SPEG: variants seen among roughly 807,000 people sequenced by gnomAD.
SPEG encodes striated muscle preferentially expressed protein kinase.
Under a neutral mutation model 300.4 loss-of-function variants are expected in SPEG, and 114 were observed. The observed-to-expected ratio is 0.38, with a 90% CI of 0.33 to 0.44. The LOEUF (loss-of-function observed/expected upper bound fraction) is 0.44. SPEG is among the 20% of genes least tolerant of loss of function. The pLI, the probability that SPEG is intolerant of heterozygous loss-of-function variation, is 1.00. For missense variants in SPEG, 4,201 were observed against 4,586.2 expected (o/e 0.92, Z 2.43); for synonymous variants, 1,964 against 2,018.9 (o/e 0.97, Z 0.73).
In SPEG at chr2:219,473,445, G is replaced by A; in HGVS notation, c.4148-59G>A. 1 of 1,528,188 alleles carries A rather than the reference G, an allele frequency of 6.5e-7. No individual in the cohort carries two copies. The highest frequency in any genetic ancestry group is 1.1e-5 in the South Asian group (1 of 88,548). The allele number at this position is 1,528,188 out of a possible 1,614,324, so 94.7% of individuals were successfully genotyped here. ...GTTGATGAGGGGTGTTAGAGGAGTGGTGGGTGCTGAGGACCTGATGTCAAG... is the reference window on the plus strand; with the variant it reads ...GTTGATGAGGGGTGTTAGAGGAGTGATGGGTGCTGAGGACCTGATGTCAAG... On this transcript the variant is annotated intron_variant, in intron 16 of 40. Transcript: ENST00000312358. The surrounding 1 kb of genome is among the most constrained non-coding windows in gnomAD (Gnocchi z 4.6).
At chr2:219,489,014 C>T (rs1212352199) in intron 34 of SPEG, 40 bp from the exon 35 acceptor site, 18 of 1,609,402 alleles carry the variant, frequency 1.1e-5, no homozygotes, top group African/African-American at 6.7e-5. Flanking sequence ...CTGGGGCCAC[C>T]GCTTCTGTGA....
chr2:219,488,783 C>T lies in SPEG; in HGVS notation c.8032C>T (p.Pro2678Ser). ...ACTCTTCTTTCTCTTGCCAGGAGTC[C>T]CAGGAAAGCTAGCTCCTCCAGAGGT... The part of the protein sequence containing the change: ...SSCTVAVARV[P>S]GKLAPPEVPQ... Residue 2678 changes from proline (P) to serine (S), a missense_variant, in exon 34 of 41, where the codon CCA becomes TCA. Transcript: ENST00000312358. The T allele has an allele frequency of 1.2e-6, 2 of 1,605,752 alleles. No individual in the cohort carries two copies. The highest frequency in any genetic ancestry group is 1.7e-6 in the Non-Finnish European group (2 of 1,175,590).
chr2:219,490,601 TGC>T lies in SPEG; in HGVS notation c.9115_9116del (p.Ala3039Ter), dbSNP rs764332376. 1 of 1,613,192 alleles carries T rather than the reference TGC, an allele frequency of 6.2e-7. No homozygotes were observed. Among genetic ancestry groups the T allele is most frequent in the Non-Finnish European group, 8.5e-7 (1 of 1,179,188 alleles). On this transcript the variant is annotated frameshift_variant, in exon 37 of 41. Coordinates refer to ENST00000312358, the MANE Select transcript of SPEG (RefSeq NM_005876.5). LOFTEE classifies it high-confidence loss of function. ...YITPRYLVLI[A>X]ESCGNRELLC... ...TCACCCCTCGGTACCTCGTGCTCAT[TGC>T]TGAGAGCTGTGGCAACCGGGAACTC...
chr2:219,491,293 C>G (rs1693949362), intron 38 of SPEG, among the ~76,000 whole-genome samples: 1 of 152,166 alleles, frequency 6.6e-6, no homozygotes, highest in South Asian at 2.1e-4. Context: ...CATCGAGCAC[C>G]CTGCTAAATG....
chr2:219,490,687 G>A, intron 37 of SPEG, 39 bp downstream of exon 37: 1 of 1,610,390 alleles, frequency 6.2e-7, no homozygotes, highest in South Asian at 1.1e-5. Flanking sequence ...GGAAGAGGTA[G>A]GGGAGGCTGG....
chr2:219,469,105 TG>T (rs1386950318), intron 12 of SPEG, 50 bp from the exon 13 acceptor site: 2 of 1,609,218 alleles, frequency 1.2e-6, no homozygotes, highest in Admixed American at 1.7e-5. Flanking sequence ...AGCCCAGCCC[TG>T]GGGTGGGAGG....
Position 219,478,071 on chromosome 2 carries a change from G to A in SPEG, c.4993G>A (p.Glu1665Lys). ...TGTCCTCTACTTCCATGAGGCCTTC[G>A]AGAGGCGCCGGGGACTGGTCATTGT... ...DCVLYFHEAF[E>K]RRRGLVIVTE... Residue 1665 changes from glutamate to lysine, a missense_variant, in exon 22 of 41, where the codon GAG becomes AAG. Coordinates refer to ENST00000312358, the MANE Select transcript of SPEG (RefSeq NM_005876.5). 1.2e-6 allele frequency: 2 copies of A among 1,614,198 alleles called. No homozygotes were observed. Among genetic ancestry groups the A allele is most frequent in the Non-Finnish European group, 1.7e-6 (2 of 1,180,022 alleles).
intron 3 of SPEG, among the ~76,000 whole-genome samples, chr2:219,446,057 T>G (rs1575048472): frequency 7.7e-6 from 1 of 129,662 alleles, no homozygotes; most frequent in Non-Finnish European, 1.6e-5. Flanking sequence ...TGGGTATGGG[T>G]GTGGGGGCAG....
At position 219,478,074 on chromosome 2, in the gene SPEG, A is replaced by T; in HGVS notation, c.4996A>T (p.Arg1666Trp). The change falls in exon 22 of 41, where the codon AGG becomes TGG. Residue 1666 changes from arginine (R) to tryptophan (W), a missense_variant. Coordinates refer to ENST00000312358, the MANE Select transcript of SPEG (RefSeq NM_005876.5). ...CVLYFHEAFERRRGLVIVTEL... is the reference protein window; with the variant it reads ...CVLYFHEAFEWRRGLVIVTEL... ...CCTCTACTTCCATGAGGCCTTCGAG[A>T]GGCGCCGGGGACTGGTCATTGTCAC... The T allele has an allele frequency of 1.2e-6, 2 of 1,614,092 alleles. No individual in the cohort carries two copies. Among genetic ancestry groups the T allele is most frequent in the Non-Finnish European group, 1.7e-6 (2 of 1,179,996 alleles).
intron 6 of SPEG, among the ~76,000 whole-genome samples, chr2:219,457,278 A>G (rs957853176): frequency 6.6e-6 from 1 of 152,146 alleles, no homozygotes; most frequent in Admixed American, 6.5e-5. Context: ...CTCAAGAATC[A>G]TAAGGAGGAA....
intron 8 of SPEG, among the ~76,000 whole-genome samples, chr2:219,463,509 G>C (rs901074446): frequency 7.1e-6 from 1 of 140,716 alleles, no homozygotes; most frequent in Non-Finnish European, 1.5e-5. Context: ...CGCCTCCTGG[G>C]TTCAAGGGAT....
chr2:219,486,753 G>A (rs1257633826), intron 31 of SPEG, among the ~76,000 whole-genome samples: 6 of 152,212 alleles, frequency 3.9e-5, no homozygotes, highest in Non-Finnish European at 5.9e-5. Flanking sequence ...TGGGGCTGGC[G>A]GGGCTGGCAG....
Position 219,481,544 on chromosome 2 carries a change from CA to C in SPEG, c.5522+90del. Reference sequence around the variant, plus strand: ...TCCCAAACTCCTGCCCCTCGACATGCAAGCCCCCAACTCCTTAGGAGCCCTG... The same window carrying C: ...TCCCAAACTCCTGCCCCTCGACATGCAGCCCCCAACTCCTTAGGAGCCCTG... On this transcript the variant is annotated intron_variant, in intron 27 of 40. Coordinates refer to ENST00000312358, the MANE Select transcript of SPEG (RefSeq NM_005876.5). This position sits in a 1 kb window ranked among gnomAD's most constrained non-coding sequence, Gnocchi z 5.4. 1 of 1,603,522 alleles carries C rather than the reference CA, an allele frequency of 6.2e-7. No individual in the cohort carries two copies. Among genetic ancestry groups the C allele is most frequent in the East Asian group, 2.2e-5 (1 of 44,742 alleles).
chr2:219,485,930 T>C (rs1422137590), intron 31 of SPEG, among the ~76,000 whole-genome samples: 2 of 151,974 alleles, frequency 1.3e-5, no homozygotes, highest in African/African-American at 4.8e-5. Flanking sequence ...GGCTGTACTT[T>C]TCAAGGAGCT....
At chr2:219,489,254 G>A (rs758955325) in intron 35 of SPEG, 33 bp downstream of exon 35, 3 of 1,613,232 alleles carry the variant, frequency 1.9e-6, no homozygotes, top group Non-Finnish European at 2.5e-6. Flanking sequence ...GGAGGAGGAA[G>A]GGGGCTCTGA....
In SPEG at chr2:219,456,051, G is replaced by A. The variant is rs114367502; in HGVS notation, c.2440+4244G>A. On this transcript the variant is annotated intron_variant, in intron 6 of 40. Transcript: ENST00000312358. ...ATGGTTTTCTTGGCTGTAAAGTGAGGATCTTCACACCAGCCAGGCCACCTA... is the reference window on the plus strand; with the variant it reads ...ATGGTTTTCTTGGCTGTAAAGTGAGAATCTTCACACCAGCCAGGCCACCTA... Among the ~76,000 whole-genome samples the A allele has an allele frequency of 9.9e-3, 1,511 of 152,348 alleles. 29 individuals carry two copies. Among genetic ancestry groups the A allele is most frequent in the African/African-American group, 0.034 (1,401 of 41,568 alleles).
chr2:219,473,670 C>A lies in SPEG; in HGVS notation c.4271+43C>A. 2.5e-6 allele frequency: 4 copies of A among 1,613,768 alleles called. No individual in the cohort carries two copies. The highest frequency in any genetic ancestry group is 3.4e-6 in the Non-Finnish European group (4 of 1,179,774). ...ATGTGGCAGCCCAGGTCTGGCCCAG[C>A]CTGGCCGGAATGCCCTGGGGCAAGA... On this transcript the variant is annotated intron_variant, in intron 17 of 40. Coordinates refer to ENST00000312358, the MANE Select transcript of SPEG (RefSeq NM_005876.5). The surrounding 1 kb of genome is among the most constrained non-coding windows in gnomAD (Gnocchi z 4.6).
chr2:219,442,177 G>A lies in SPEG; in HGVS notation c.389-2476G>A, dbSNP rs1688970295. On this transcript the variant is annotated intron_variant, in intron 1 of 40. Transcript: ENST00000312358. ...GGTCACCGCAGCTGGGCCCGGTGGA[G>A]GGGGCGCTGGATCGGCGCCTGCCCC... 2.1e-5 allele frequency: 17 copies of A among 826,950 alleles called. No homozygotes were observed. The Admixed American group carries it at 7.2e-4, about 35-fold the overall frequency. The allele number at this position is 826,950 out of a possible 1,614,324, so 51.2% of individuals were successfully genotyped here.
In SPEG at chr2:219,493,505, T is replaced by G. The variant is rs1458116018; in HGVS notation, c.*719T>G. Reference sequence around the variant, plus strand: ...CCTTCTTCCCATTCATATTTATTTATTTATTGACTTTTATGAAGTTTCCCC... The same window carrying G: ...CCTTCTTCCCATTCATATTTATTTAGTTATTGACTTTTATGAAGTTTCCCC... On this transcript the variant is annotated 3_prime_UTR_variant, in exon 41 of 41. Transcript: ENST00000312358. The G allele has an allele frequency of 2.2e-6, 1 of 454,362 alleles. No homozygotes were observed. The allele number at this position is 454,362 out of a possible 1,614,324, so 28.1% of individuals were successfully genotyped here.
Sources: gnomAD v4.1 joint callset for allele counts (sites outside exome capture counted in the v4.1 genomes callset) on GRCh38, gnomAD v4.1.1 for gene constraint, Gnocchi (gnomAD v3.1) non-coding constraint, MANE v1.5 for transcripts, NCBI Gene and HGNC (gene_info 2026-07-23, HGNC 2026-07-21) for gene names.